The following RTEL1 variants were observed in gnomAD, a reference collection of about 807,000 sequenced individuals.
RTEL1 encodes the protein regulator of telomere length.
In RTEL1, 86 loss-of-function variants were observed where a neutral mutation model predicts 162.2. The observed-to-expected ratio is 0.53, with a 90% confidence interval of 0.45 to 0.63. The LOEUF (loss-of-function observed/expected upper bound fraction) is 0.63, where lower values mean the gene tolerates loss of function less well. RTEL1 is among the 30% of genes least tolerant of loss of function. The probability of loss-of-function intolerance (pLI) is 0.00; values close to 1 mark genes in which losing one functional copy is unlikely to be tolerated. For missense variants in RTEL1, 1,941 were observed against 1,750.2 expected (o/e 1.11, Z -1.95); for synonymous variants, 958 against 717.9 (o/e 1.33, Z -5.35).
intron 29 of RTEL1, 57 bp from the exon 30 acceptor site, chr20:63,693,086 G>A (rs1301339747): frequency 6.2e-7 from 1 of 1,610,852 alleles, no homozygotes; most frequent in East Asian, 2.2e-5. Context: ...GTCCAAGGTG[G>A]TCTCTGTTCT....
chr20:63,663,040 C>G, intron 6 of RTEL1, 151 bp downstream of exon 6: 1 of 726,698 alleles, frequency 1.4e-6, no homozygotes, highest in Non-Finnish European at 2.4e-6. Flanking sequence ...TCGGGGCCAC[C>G]CATGTTAGAC....
chr20:63,693,992 C>A (rs376964161), intron 30 of RTEL1, among the ~76,000 whole-genome samples: 1 of 151,672 alleles, frequency 6.6e-6, no homozygotes, highest in East Asian at 2.0e-4. Flanking sequence ...TCTCCAGAGG[C>A]GGAAGCATCT....
Position 63,679,955 on chromosome 20 carries a change from T to A in RTEL1, c.1135+9T>A, listed in dbSNP as rs1250696685. 1 of 1,601,668 alleles carries A rather than the reference T, an allele frequency of 6.2e-7. No individual in the cohort carries two copies. The highest frequency in any genetic ancestry group is 2.2e-5 in the East Asian group (1 of 44,760). On this transcript the variant is annotated intron_variant, in intron 13 of 34. Transcript: ENST00000360203. ...CCAGCACCTGGCAGGACGTGAGTGC[T>A]GGCACGGGGTCTTTGGTGCGGGCAA...
Position 63,662,589 on chromosome 20 carries a change from C to G in RTEL1, c.439C>G (p.His147Asp), listed in dbSNP as rs1283577140. 1.2e-6 allele frequency: 2 copies of G among 1,614,088 alleles called. No homozygotes were observed. Among genetic ancestry groups the G allele is most frequent in the South Asian group, 2.2e-5 (2 of 91,076 alleles). The change falls in exon 5 of 35, where the codon CAT becomes GAT. Residue 147 changes from histidine to aspartate, a missense_variant. His to Asp is a moderately conservative substitution (Grantham distance 81, BLOSUM62 -1). Coordinates refer to ENST00000360203, the MANE Select transcript of RTEL1 (RefSeq NM_001283009.2). ...VLGSREQLCI[H>D]PEVKKQESNH... is the part of the protein sequence containing the mutation. ...GGGCTCCCGGGAGCAGCTGTGCATC[C>G]ATCCTGAGGTGAAGAAACAAGAGAG...
intron 12 of RTEL1, 111 bp downstream of exon 12, chr20:63,678,457 G>T: frequency 9.6e-7 from 1 of 1,042,836 alleles, no homozygotes; most frequent in Non-Finnish European, 1.4e-6. Context: ...TTTCAGGCCT[G>T]TTTTCCCTTT....
At chr20:63,685,136 T>C (rs2090563087) in intron 14 of RTEL1, among the ~76,000 whole-genome samples, 1 of 148,502 alleles carries the variant, frequency 6.7e-6, no homozygotes, top group African/African-American at 2.5e-5. Flanking sequence ...AGTTTGCTCC[T>C]CTCAGCCTCC....
At position 63,689,122 on chromosome 20, in the gene RTEL1, G is replaced by T; in HGVS notation, c.1868G>T (p.Cys623Phe). 1 of 1,609,260 alleles carries T rather than the reference G, an allele frequency of 6.2e-7. No individual in the cohort carries two copies. Among genetic ancestry groups the T allele is most frequent in the Non-Finnish European group, 8.5e-7 (1 of 1,179,862 alleles). ...GSTGATFLAVCRGKASEGLDF... is the reference protein window; with the variant it reads ...GSTGATFLAVFRGKASEGLDF... The stretch of plus-strand genomic sequence containing the variant: ...ACCGGCGCCACCTTCCTGGCGGTCT[G>T]CCGGGGCAAGGTGAGCTCTCCAGGG... The change falls in exon 22 of 35, where the codon TGC (cysteine) becomes TTC (phenylalanine). Residue 623 changes from cysteine to phenylalanine, a missense_variant. Cys to Phe is a radical substitution (Grantham distance 205). Transcript: ENST00000360203.
rs745700089 is a variant in RTEL1 at position 63,661,357 on chromosome 20, C to T, written c.162C>T (p.Cys54=). The change falls in exon 3 of 35, where the codon TGC becomes TGT. Residue 54 remains cysteine, a synonymous_variant. Transcript: ENST00000360203. The surrounding 1 kb of genome is among the most constrained non-coding windows in gnomAD (Gnocchi z 5.1). ...CAGGGAAGACGCTGTGCCTGCTGTGCACCACGCTGGCCTGGCGAGAACACC... is the reference window on the plus strand; with the variant it reads ...CAGGGAAGACGCTGTGCCTGCTGTGTACCACGCTGGCCTGGCGAGAACACC... The part of the protein sequence containing the change: ...TGTGKTLCLL[C]TTLAWREHLR... 3 of 1,613,342 alleles carry T rather than the reference C, an allele frequency of 1.9e-6. No homozygotes were observed. The highest frequency in any genetic ancestry group is 1.1e-5 in the South Asian group (1 of 91,060).
rs752963308 is a variant in RTEL1, at chr20:63,694,326, T to G, written c.2993-46T>G. ...CCTGCCCCCCCACCCCAGGGAACTT[T>G]CCAGATGCTCTCGACCAGCTTTGTG... On this transcript the variant is annotated intron_variant, in intron 30 of 34. Transcript: ENST00000360203. 9.1e-6 allele frequency: 13 copies of G among 1,435,906 alleles called. No homozygotes were observed. The East Asian group carries it at 2.5e-4, about 28-fold the overall frequency. 88.9% of individuals were successfully genotyped at this position (1,435,906 alleles called of 1,614,324 possible). A position where few individuals can be genotyped will look rare whatever the true frequency, so the allele number is the denominator to read the frequency against.
intron 22 of RTEL1, 43 bp downstream of exon 22, chr20:63,689,175 C>A: frequency 6.4e-7 from 1 of 1,571,810 alleles, no homozygotes; most frequent in Non-Finnish European, 8.7e-7. Context: ...GTTGCCTGTT[C>A]CCTGGTGGGT....
At chr20:63,666,149 C>T in intron 7 of RTEL1, 70 bp downstream of exon 7, 1 of 1,185,968 alleles carries the variant, frequency 8.4e-7, no homozygotes, top group Non-Finnish European at 1.2e-6. Flanking sequence ...CTGTGGAGGC[C>T]CGGATATATT....
intron 6 of RTEL1, 71 bp downstream of exon 6, chr20:63,662,960 G>C (rs1601088214): frequency 6.8e-7 from 1 of 1,468,614 alleles, no homozygotes; most frequent in East Asian, 2.3e-5. Context: ...GCTCAGTGGT[G>C]TCACAGCCTG....
chr20:63,692,687 G>A lies in RTEL1; in HGVS notation c.2653-118G>A, dbSNP rs564548775. On this transcript the variant is annotated intron_variant, in intron 28 of 34. Transcript: ENST00000360203. ...CAGCCAGCCAGTTTCTCAGGCAGCAGCCCCACCTCGGCAGTCACTGTCCCA... is the reference window on the plus strand; with the variant it reads ...CAGCCAGCCAGTTTCTCAGGCAGCAACCCCACCTCGGCAGTCACTGTCCCA... 1.6e-5 allele frequency: 16 copies of A among 990,082 alleles called. No homozygotes were observed. The African/African-American group carries it at 2.6e-4, about 16-fold the overall frequency. 61.3% of individuals were successfully genotyped at this position (990,082 alleles called of 1,614,324 possible).
At chr20:63,669,069 C>T (rs1356060627) in intron 8 of RTEL1, among the ~76,000 whole-genome samples, 5 of 152,268 alleles carry the variant, frequency 3.3e-5, no homozygotes, top group East Asian at 3.9e-4. Flanking sequence ...CTGCAGCCCC[C>T]GCCCCTAGGT....
chr20:63,664,879 G>T (rs1052065282), intron 6 of RTEL1, among the ~76,000 whole-genome samples: 4 of 152,208 alleles, frequency 2.6e-5, no homozygotes, highest in Non-Finnish European at 5.9e-5. Context: ...TCAGCCTGGG[G>T]CAGAGCCTCT....
Position 63,693,450 on chromosome 20 carries a change from A to ACCACCTCCACCACCT in RTEL1, c.2992+178_2992+179insACCTCCACCTCCACC, listed in dbSNP as rs2090828169. ...CACCTCCACCACCAGCACCAGCAGC[A>ACCACCTCCACCACCT]CCACCTCCACCTCCACCTCCACCTC... On this transcript the variant is annotated intron_variant, in intron 30 of 34. Coordinates refer to ENST00000360203, the MANE Select transcript of RTEL1 (RefSeq NM_001283009.2). Among the ~76,000 whole-genome samples, 2 of 81,436 alleles carry ACCACCTCCACCACCT rather than the reference A, an allele frequency of 2.5e-5. 1 individual carries two copies. The highest frequency in any genetic ancestry group is 1.2e-4 in the African/African-American group (2 of 16,018). The allele number at this position is 81,436 out of a possible 152,430, so 53.4% of individuals were successfully genotyped here.
intron 8 of RTEL1, 104 bp from the exon 9 acceptor site, chr20:63,672,452 T>C: frequency 1.1e-6 from 1 of 921,354 alleles, no homozygotes; most frequent in Non-Finnish European, 1.7e-6. Context: ...GCGCTGTTGC[T>C]CATCTGCGCT....
chr20:63,674,291 C>T (rs1165226925), intron 10 of RTEL1, among the ~76,000 whole-genome samples, 198 bp downstream of exon 10: 2 of 152,228 alleles, frequency 1.3e-5, no homozygotes, highest in African/African-American at 4.8e-5. Context: ...TTCAGGCTGG[C>T]ACTGCAGGGC....
chr20:63,689,012 T>TGG, intron 21 of RTEL1, 43 bp from the exon 22 acceptor site: 146 of 1,472,556 alleles, frequency 9.9e-5, no homozygotes, highest in Non-Finnish European at 1.3e-4. Context: ...AGGAAGGGGC[T>TGG]GGGGGGGGGC....
Sources: gnomAD v4.1 joint callset for allele counts (sites outside exome capture counted in the v4.1 genomes callset) on GRCh38, gnomAD v4.1.1 for gene constraint, Gnocchi (gnomAD v3.1) non-coding constraint, MANE v1.5 for transcripts, NCBI Gene and HGNC (gene_info 2026-07-23, HGNC 2026-07-21) for gene names.